SLCO1B1: variants seen among roughly 807,000 people sequenced by gnomAD.
The protein encoded by SLCO1B1 is solute carrier organic anion transporter family member 1B1.
Under a neutral mutation model 70.1 loss-of-function variants are expected in SLCO1B1, and 81 were observed. The observed-to-expected ratio is 1.16, with a 90% CI of 0.97 to 1.39. SLCO1B1 has a LOEUF of 1.39. SLCO1B1 is among the 40% of genes most tolerant of loss of function. SLCO1B1 has a pLI of 0.00. For synonymous variants in SLCO1B1, 283 were observed against 271.5 expected, an observed-to-expected ratio of 1.04 and a Z score of -0.42; for missense variants, 895 against 799.6, an observed-to-expected ratio of 1.12 and a Z score of -1.44.
At chr12:21,190,722 T>C (rs1941020710) in intron 7 of SLCO1B1, among the ~76,000 whole-genome samples, 1 of 152,082 alleles carries the variant, frequency 6.6e-6, no homozygotes, top group African/African-American at 2.4e-5. Context: ...TCTGTATGTC[T>C]TTGTATCTTC....
chr12:21,213,077 AT>A (rs1212121851), intron 11 of SLCO1B1, among the ~76,000 whole-genome samples: 69 of 151,616 alleles, frequency 4.6e-4, no homozygotes, highest in Admixed American at 2.8e-3. Context: ...TAAAGTTAAT[AT>A]TGTTATGTGT....
intron 1 of SLCO1B1, among the ~76,000 whole-genome samples, chr12:21,137,869 C>T (rs934288396): frequency 1.3e-5 from 2 of 152,196 alleles, no homozygotes; most frequent in Admixed American, 1.3e-4. Context: ...TGGCACTCCC[C>T]AGTGAGATGA....
chr12:21,182,618 G>A (rs1416261561), intron 7 of SLCO1B1, among the ~76,000 whole-genome samples: 1 of 152,136 alleles, frequency 6.6e-6, no homozygotes, highest in East Asian at 1.9e-4. Flanking sequence ...CAGCCTGAGG[G>A]TTTTTTCAAG....
At chr12:21,237,511 TTTTC>T (rs1404291075) in intron 14 of SLCO1B1, among the ~76,000 whole-genome samples, 1 of 152,166 alleles carries the variant, frequency 6.6e-6, no homozygotes, top group Non-Finnish European at 1.5e-5. Flanking sequence ...CAGGATAAAG[TTTTC>T]TTTATCTTTG....
chr12:21,227,327 GA>G (rs901540621), intron 14 of SLCO1B1, among the ~76,000 whole-genome samples: 2 of 151,546 alleles, frequency 1.3e-5, no homozygotes, highest in Non-Finnish European at 2.9e-5. Context: ...ATTTTTATAT[GA>G]AAAAAAAGAA....
chr12:21,168,976 A>G (rs2121091934), intron 2 of SLCO1B1, among the ~76,000 whole-genome samples: 1 of 151,514 alleles, frequency 6.6e-6, no homozygotes, highest in South Asian at 2.1e-4. Context: ...CTTTTCTTTT[A>G]TTTTTTTCTG....
intron 12 of SLCO1B1, among the ~76,000 whole-genome samples, chr12:21,218,787 G>C (rs1176972091): frequency 6.6e-6 from 1 of 152,088 alleles, no homozygotes; most frequent in African/African-American, 2.4e-5. Context: ...TATCATATCT[G>C]TTTCAGAAAT....
intron 2 of SLCO1B1, among the ~76,000 whole-genome samples, chr12:21,159,408 T>C (rs1019498098): frequency 1.3e-5 from 2 of 152,104 alleles, no homozygotes; most frequent in East Asian, 1.9e-4. Context: ...GATAAACTTA[T>C]ATTCTATACC....
chr12:21,231,072 A>G (rs539896547), intron 14 of SLCO1B1, among the ~76,000 whole-genome samples: 2 of 146,946 alleles, frequency 1.4e-5, no homozygotes, highest in Non-Finnish European at 3.0e-5. Context: ...AACATGTGGC[A>G]TTTGGTTTTT....
chr12:21,206,730 G>C (rs1325958235), intron 11 of SLCO1B1, among the ~76,000 whole-genome samples: 1 of 151,824 alleles, frequency 6.6e-6, no homozygotes, highest in African/African-American at 2.4e-5. Flanking sequence ...GTAGCTACCT[G>C]TCACTGGGAA....
intron 7 of SLCO1B1, among the ~76,000 whole-genome samples, chr12:21,192,203 A>G (rs950511432): frequency 2.0e-5 from 3 of 151,810 alleles, no homozygotes; most frequent in Non-Finnish European, 4.4e-5. Context: ...TATTTTCTTT[A>G]GCTATTTAGT....
intron 2 of SLCO1B1, chr12:21,164,921 A>C: frequency 4.6e-6 from 2 of 432,912 alleles, no homozygotes; most frequent in Non-Finnish European, 9.1e-6. Flanking sequence ...ATTGCTGCTG[A>C]AGATTATAAT....
chr12:21,201,234 A>G (rs1416031738), intron 9 of SLCO1B1, among the ~76,000 whole-genome samples: 1 of 152,134 alleles, frequency 6.6e-6, no homozygotes, highest in Non-Finnish European at 1.5e-5. Flanking sequence ...TTGTAGACAC[A>G]TTATAGAAAT....
intron 2 of SLCO1B1, among the ~76,000 whole-genome samples, chr12:21,147,467 G>T (rs779729952): frequency 1.3e-5 from 2 of 152,084 alleles, no homozygotes; most frequent in Non-Finnish European, 2.9e-5. Context: ...GGTGTGTAAT[G>T]TTCCCCTCCC....
chr12:21,165,488 T>C lies in SLCO1B1; in HGVS notation c.85-7162T>C, dbSNP rs370085903. Among the ~76,000 whole-genome samples the C allele has an allele frequency of 1.2e-3, 186 of 152,194 alleles. 3 individuals carry two copies. In the South Asian group the frequency reaches 0.036, roughly 29 times the overall value. Reference sequence around the variant, plus strand: ...TTTACCTAATGCTAATCCCCAAGCTTAGAACAAGGCAAGTGAAAGGTCAAA... The same window carrying C: ...TTTACCTAATGCTAATCCCCAAGCTCAGAACAAGGCAAGTGAAAGGTCAAA... On this transcript the variant is annotated intron_variant, in intron 2 of 14. Transcript: ENST00000256958.
chr12:21,134,848 A>C (rs1339110587), intron 1 of SLCO1B1, among the ~76,000 whole-genome samples: 2 of 151,980 alleles, frequency 1.3e-5, no homozygotes, highest in East Asian at 3.9e-4. Flanking sequence ...TTCTGCTCTG[A>C]TGGTAGTTAT....
intron 14 of SLCO1B1, among the ~76,000 whole-genome samples, chr12:21,233,159 TA>T (rs1294571038): frequency 1.3e-5 from 2 of 152,240 alleles, no homozygotes; most frequent in East Asian, 3.9e-4. Flanking sequence ...TGTGGAGGGC[TA>T]AACTCCAACT....
chr12:21,141,469 T>C (rs2121039519), intron 1 of SLCO1B1, 45 bp from the exon 2 acceptor site: 1 of 643,042 alleles, frequency 1.6e-6, no homozygotes, highest in South Asian at 1.7e-5. Flanking sequence ...TTCTAAATTA[T>C]ATATTGTAAA....
At chr12:21,186,923 G>A (rs374081579) in intron 7 of SLCO1B1, among the ~76,000 whole-genome samples, 3 of 152,064 alleles carry the variant, frequency 2.0e-5, no homozygotes, top group African/African-American at 7.2e-5. Context: ...TGCAAGCAAA[G>A]GATGGTTTGA....
Sources: gnomAD v4.1 joint callset for allele counts (sites outside exome capture counted in the v4.1 genomes callset) on GRCh38, gnomAD v4.1.1 for gene constraint, MANE v1.5 for transcripts, NCBI Gene and HGNC (gene_info 2026-07-23, HGNC 2026-07-21) for gene names.